Variants in FUT9 observed in about 807,000 individuals in gnomAD.
The protein encoded by FUT9 is fucosyltransferase 9, also known as 4-galactosyl-N-acetylglucosaminide 3-alpha-L-fucosyltransferase 9.
In FUT9, 15 loss-of-function variants were observed where a neutral mutation model predicts 29.7. The ratio of observed to expected loss-of-function variants is 0.51; its 90% CI spans 0.34 to 0.78. The LOEUF (loss-of-function observed/expected upper bound fraction) is 0.78. Among genes scored for constraint, FUT9 ranks in the 30% least tolerant of loss-of-function variants. FUT9 has a pLI of 0.01. For missense variants in FUT9, 319 were observed against 425.4 expected (o/e 0.75, Z 2.20); for synonymous variants, 169 against 153.7 (o/e 1.10, Z -0.74).
At chr6:96,200,518 T>C (rs1773709137) in intron 2 of FUT9, among the ~76,000 whole-genome samples, 1 of 152,140 alleles carries the variant, frequency 6.6e-6, no homozygotes, top group Non-Finnish European at 1.5e-5. Context: ...AAATGATGTG[T>C]GTAAAATGCT....
intron 2 of FUT9, among the ~76,000 whole-genome samples, chr6:96,140,343 A>T (rs1270875534): frequency 2.0e-5 from 3 of 152,180 alleles, no homozygotes; most frequent in Non-Finnish European, 4.4e-5. Context: ...TTCCAAGTCT[A>T]TAGGACGTTA....
chr6:96,115,932 C>T (rs1025207849), intron 2 of FUT9, among the ~76,000 whole-genome samples: 5 of 151,940 alleles, frequency 3.3e-5, no homozygotes, highest in Non-Finnish European at 5.9e-5. Flanking sequence ...CTGATCACAG[C>T]CCTCCTCATT....
In FUT9 at chr6:96,207,648, C is replaced by G. The variant is rs1488664716; in HGVS notation, c.*3413C>G. The stretch of plus-strand genomic sequence containing the variant: ...AACTCATGAAAAAGATATATTGATT[C>G]AACAAAATTGGTTTGCTGTTGATTA... On this transcript the variant is annotated 3_prime_UTR_variant, in exon 3 of 3. Coordinates refer to ENST00000302103, the MANE Select transcript of FUT9 (RefSeq NM_006581.4). 6.0e-6 allele frequency: 1 copy of G among 166,808 alleles called. No individual in the cohort carries two copies. The highest frequency in any genetic ancestry group is 1.5e-5 in the Non-Finnish European group (1 of 68,024). The allele number at this position is 166,808 out of a possible 1,614,324, so 10.3% of individuals were successfully genotyped here. A position where few individuals can be genotyped will look rare whatever the true frequency, so the allele number is the denominator to read the frequency against.
At chr6:96,023,353 C>T (rs1422256767) in intron 1 of FUT9, among the ~76,000 whole-genome samples, 1 of 151,914 alleles carries the variant, frequency 6.6e-6, no homozygotes, top group Non-Finnish European at 1.5e-5. Context: ...AGTGTGATAA[C>T]ACCACAGTCA....
intron 1 of FUT9, among the ~76,000 whole-genome samples, chr6:96,105,805 A>G (rs952106092): frequency 1.4e-4 from 22 of 152,312 alleles, no homozygotes; most frequent in African/African-American, 5.1e-4. Context: ...AAATTCCTCT[A>G]AAAATTAGGA....
At chr6:96,088,547 TG>T (rs1301494142) in intron 1 of FUT9, among the ~76,000 whole-genome samples, 2 of 151,366 alleles carry the variant, frequency 1.3e-5, no homozygotes, top group Non-Finnish European at 2.9e-5. Flanking sequence ...TGTGTGTGTG[TG>T]TGTGTGTGTG....
intron 2 of FUT9, among the ~76,000 whole-genome samples, chr6:96,135,559 T>C (rs1165702780): frequency 4.0e-5 from 6 of 151,800 alleles, no homozygotes; most frequent in South Asian, 2.1e-4. Flanking sequence ...ATTGGGAATA[T>C]AATAATATTA....
intron 2 of FUT9, among the ~76,000 whole-genome samples, chr6:96,159,998 CAAG>C (rs918309838): frequency 3.3e-5 from 5 of 152,042 alleles, no homozygotes; most frequent in African/African-American, 1.2e-4. Context: ...ATCAACGAAA[CAAG>C]AAATTAATTA....
chr6:96,080,470 A>G lies in FUT9; in HGVS notation c.-97-33569A>G, dbSNP rs538302104. Among the ~76,000 whole-genome samples the G allele has an allele frequency of 1.7e-4, 26 of 152,118 alleles. No individual in the cohort carries two copies. The East Asian group carries it at 2.9e-3, about 17-fold the overall frequency. On this transcript the variant is annotated intron_variant, in intron 1 of 2. Transcript: ENST00000302103. ...AGCAAAGACGAAAATGTCTTTGCCT[A>G]CTTATTAAATGTATGTATACTCTGC...
rs745582685 is a variant in FUT9 at position 96,203,359 on chromosome 6, G to A, written c.204G>A (p.Val68=). ...TDYFNETTIL[V]WVWPFGQTFD... ...ATTTTAATGAAACTACTATTCTGGT[G>A]TGGGTGTGGCCATTTGGGCAGACCT... The change falls in exon 3 of 3, where the codon GTG becomes GTA. Residue 68 remains valine (V), a synonymous_variant. Transcript: ENST00000302103. The A allele has an allele frequency of 1.9e-6, 3 of 1,613,602 alleles. No homozygotes were observed. Among genetic ancestry groups the A allele is most frequent in the Non-Finnish European group, 2.5e-6 (3 of 1,179,726 alleles).
In FUT9 at chr6:96,203,616, T is replaced by A; in HGVS notation, c.461T>A (p.Leu154Gln). Residue 154 changes from leucine (L) to glutamine (Q), a missense_variant, in exon 3 of 3, where the codon CTG (leucine) becomes CAG (glutamine). Transcript: ENST00000302103. ...QKSGIEHLFN[L>Q]TLTYRRDSDI... Reference sequence around the variant, plus strand: ...AGTGGCATTGAGCACTTGTTTAACCTGACTCTGACTTACCGCCGTGATTCA... The same window carrying A: ...AGTGGCATTGAGCACTTGTTTAACCAGACTCTGACTTACCGCCGTGATTCA... 1 of 1,614,006 alleles carries A rather than the reference T, an allele frequency of 6.2e-7. No individual in the cohort carries two copies. The highest frequency in any genetic ancestry group is 8.5e-7 in the Non-Finnish European group (1 of 1,179,974).
At chr6:96,049,836 G>A (rs1770632943) in intron 1 of FUT9, among the ~76,000 whole-genome samples, 1 of 152,216 alleles carries the variant, frequency 6.6e-6, no homozygotes. Context: ...AAAGGGTGAA[G>A]TTCGTGATAT....
rs1773981424 is a variant in FUT9 at position 96,213,644 on chromosome 6, A to T, written c.*9409A>T. The T allele has an allele frequency of 6.0e-6, 1 of 166,822 alleles. No individual in the cohort carries two copies. Among genetic ancestry groups the T allele is most frequent in the Non-Finnish European group, 1.5e-5 (1 of 68,028 alleles). The allele number at this position is 166,822 out of a possible 1,614,324, so 10.3% of individuals were successfully genotyped here. On this transcript the variant is annotated 3_prime_UTR_variant, in exon 3 of 3. Transcript: ENST00000302103. ...AACTTTCTGTGTATGTATTATTGCG[A>T]TGCAGACCCAATAGGGTTATTTTAA...
At chr6:96,093,823 A>G (rs1027833429) in intron 1 of FUT9, among the ~76,000 whole-genome samples, 1 of 152,124 alleles carries the variant, frequency 6.6e-6, no homozygotes, top group African/African-American at 2.4e-5. Flanking sequence ...GGTATACATT[A>G]CTGTTACAAT....
chr6:96,178,051 G>T (rs1470180707), intron 2 of FUT9, among the ~76,000 whole-genome samples: 1 of 152,092 alleles, frequency 6.6e-6, no homozygotes, highest in African/African-American at 2.4e-5. Flanking sequence ...AAATTCTGGG[G>T]TCCACCTACA....
At chr6:96,017,420 G>A (rs1769998798) in intron 1 of FUT9, among the ~76,000 whole-genome samples, 1 of 152,156 alleles carries the variant, frequency 6.6e-6, no homozygotes, top group Non-Finnish European at 1.5e-5. Context: ...GTTGGAGTGC[G>A]AGAAAATAAA....
Position 96,056,229 on chromosome 6 carries a change from T to C in FUT9, c.-98+40017T>C, listed in dbSNP as rs565261979. Among the ~76,000 whole-genome samples the C allele has an allele frequency of 8.5e-5, 13 of 152,338 alleles. No individual in the cohort carries two copies. In the South Asian group the frequency reaches 1.9e-3, roughly 22 times the overall value. On this transcript the variant is annotated intron_variant, in intron 1 of 2. Coordinates refer to ENST00000302103, the MANE Select transcript of FUT9 (RefSeq NM_006581.4). ...TGTCTAAGACTAAAATAATGATCAA[T>C]ATCTGCTTTCAACTTTTCAAATACC...
intron 2 of FUT9, among the ~76,000 whole-genome samples, chr6:96,128,687 C>A (rs540625365): frequency 6.6e-6 from 1 of 152,100 alleles, no homozygotes; most frequent in South Asian, 2.1e-4. Context: ...ATGTTTATTG[C>A]AAATTTAGAA....
At chr6:96,142,678 C>T (rs1772486453) in intron 2 of FUT9, among the ~76,000 whole-genome samples, 1 of 151,716 alleles carries the variant, frequency 6.6e-6, no homozygotes, top group Non-Finnish European at 1.5e-5. Context: ...GTCAGTATTG[C>T]AGGTTGTTAA....
Sources: allele counts gnomAD v4.1 joint callset (sites outside exome capture counted in the v4.1 genomes callset), GRCh38; gene constraint gnomAD v4.1.1; transcripts MANE v1.5; gene names NCBI Gene and HGNC (gene_info 2026-07-23, HGNC 2026-07-21).